Variants in KANK1 observed in about 807,000 individuals in gnomAD.
KANK1 encodes the protein KN motif and ankyrin repeat domain-containing protein 1.
KANK1 carries 109 observed loss-of-function variants against 106.2 expected under a neutral mutation model. That is an observed-to-expected ratio of 1.03 (90% CI 0.88 to 1.20). The LOEUF is 1.20. Ranked by LOEUF, KANK1 falls within the 50% of genes most tolerant of loss-of-function variation. The pLI is 0.00. For missense variants in KANK1, 2,399 were observed against 1,710.7 expected (o/e 1.40, Z -7.10); for synonymous variants, 873 against 652.2 (o/e 1.34, Z -5.16).
chr9:622,014 T>C (rs1160300003), intron 1 of KANK1, among the ~76,000 whole-genome samples: 1 of 152,210 alleles, frequency 6.6e-6, no homozygotes, highest in East Asian at 1.9e-4. Context: ...TAAAAATTTT[T>C]CCAGGTTTTC....
intron 1 of KANK1, among the ~76,000 whole-genome samples, chr9:546,996 G>A (rs2060972905): frequency 6.6e-6 from 1 of 152,178 alleles, no homozygotes; most frequent in African/African-American, 2.4e-5. Context: ...AGCATTTTGG[G>A]AACAAATCAG....
At chr9:694,441 G>A (rs762090392) in intron 2 of KANK1, among the ~76,000 whole-genome samples, 23 of 152,216 alleles carry the variant, frequency 1.5e-4, no homozygotes, top group Admixed American at 3.9e-4. Flanking sequence ...GATTTGGGCT[G>A]TATTTCAGCA....
intron 9 of KANK1, among the ~76,000 whole-genome samples, chr9:741,162 C>T (rs1227478652): frequency 6.6e-6 from 1 of 152,198 alleles, no homozygotes; most frequent in Non-Finnish European, 1.5e-5. Flanking sequence ...TTTGCCTTGC[C>T]TTTTGTCCAT....
At chr9:607,353 C>A (rs150164353) in intron 1 of KANK1, among the ~76,000 whole-genome samples, 1 of 151,386 alleles carries the variant, frequency 6.6e-6, no homozygotes, top group Non-Finnish European at 1.5e-5. Context: ...GGTGTGGCGA[C>A]GCACACCTGT....
rs1163760279 is a variant in KANK1, at chr9:566,553, G to C, written c.-84+61799G>C. ...TTGATTTCTTGATAATAGCCATTCT[G>C]ACAGGTGCGAGATGGTATCTCCTTG... On this transcript the variant is annotated intron_variant, in intron 1 of 11. Coordinates refer to ENST00000382297, the MANE Select transcript of KANK1 (RefSeq NM_015158.5). Among the ~76,000 whole-genome samples the C allele has an allele frequency of 2.0e-5, 3 of 152,164 alleles. No individual in the cohort carries two copies. In the East Asian group the frequency reaches 5.8e-4, roughly 29 times the overall value.
At position 515,211 on chromosome 9, in the gene KANK1, G is replaced by A. The variant is rs189713638; in HGVS notation, c.-84+10457G>A. ...ATACAAAAGATTAGCCAGGCGTGGT[G>A]GCGGGAGCCTGTAGTCCCAGCTACT... On this transcript the variant is annotated intron_variant, in intron 1 of 11. Coordinates refer to ENST00000382297, the MANE Select transcript of KANK1 (RefSeq NM_015158.5). 5.8e-3 allele frequency among the ~76,000 whole-genome samples: 876 copies of A among 151,566 alleles called. 9 individuals are homozygous for A. Among genetic ancestry groups the A allele is most frequent in the Non-Finnish European group, 9.2e-3 (629 of 68,010 alleles).
At chr9:742,170 C>A in intron 9 of KANK1, 35 bp from the exon 10 acceptor site, 1 of 1,591,102 alleles carries the variant, frequency 6.3e-7, no homozygotes, top group Non-Finnish European at 8.6e-7. Context: ...CAGCTCAGTA[C>A]GTACTTCTGA....
chr9:737,654 C>T (rs1000217143), intron 7 of KANK1, among the ~76,000 whole-genome samples: 1 of 152,120 alleles, frequency 6.6e-6, no homozygotes, highest in Non-Finnish European at 1.5e-5. Context: ...TTTATTTTCC[C>T]TTTCCGTGGT....
intron 1 of KANK1, among the ~76,000 whole-genome samples, chr9:667,986 C>G (rs1845044366): frequency 6.6e-6 from 1 of 152,166 alleles, no homozygotes; most frequent in South Asian, 2.1e-4. Context: ...CCACCTCAGC[C>G]TCCCAAAGTA....
intron 1 of KANK1, among the ~76,000 whole-genome samples, chr9:510,206 A>G (rs1487585457): frequency 2.0e-5 from 3 of 152,164 alleles, no homozygotes; most frequent in Middle Eastern, 3.2e-3. Context: ...GTTGACCATG[A>G]TAACTTCTTT....
Position 711,355 on chromosome 9 carries a change from C to T in KANK1, c.589C>T (p.Pro197Ser). 2 of 1,614,166 alleles carry T rather than the reference C, an allele frequency of 1.2e-6. No homozygotes were observed. The highest frequency in any genetic ancestry group is 1.7e-6 in the Non-Finnish European group (2 of 1,180,032). ...AGGCATGGGCACCACAAGCTCCCTC[C>T]CTTCTTTTGTGGGTTCTGGAAACCA... is the stretch of plus-strand genomic sequence containing the variant. ...FGGMGTTSSL[P>S]SFVGSGNHNP... The change falls in exon 3 of 12, where the codon CCT becomes TCT. Residue 197 changes from proline to serine, a missense_variant. Pro to Ser is a moderately conservative substitution (Grantham distance 74, BLOSUM62 -1). Transcript: ENST00000382297.
chr9:581,399 C>T (rs888722626), intron 1 of KANK1, among the ~76,000 whole-genome samples: 2 of 152,200 alleles, frequency 1.3e-5, no homozygotes, highest in African/African-American at 4.8e-5. Flanking sequence ...GATACAAGAG[C>T]CTTCTCGTAA....
At chr9:530,226 T>C (rs1186675846) in intron 1 of KANK1, among the ~76,000 whole-genome samples, 1 of 152,228 alleles carries the variant, frequency 6.6e-6, no homozygotes, top group Non-Finnish European at 1.5e-5. Flanking sequence ...TTTTTCCATG[T>C]TGGTGAATTT....
intron 1 of KANK1, among the ~76,000 whole-genome samples, chr9:590,594 G>A (rs1424564433): frequency 6.6e-6 from 1 of 151,770 alleles, no homozygotes; most frequent in Non-Finnish European, 1.5e-5. Flanking sequence ...TTAAAAATAT[G>A]TAACTTTACC....
intron 1 of KANK1, among the ~76,000 whole-genome samples, chr9:675,008 A>G (rs765247742): frequency 9.5e-5 from 11 of 115,280 alleles, no homozygotes; most frequent in Non-Finnish European, 1.7e-4. Context: ...CCTGGCCTAA[A>G]TATTTATTTT....
chr9:558,703 C>T (rs1248699605), intron 1 of KANK1: 2 of 148,582 alleles, frequency 1.3e-5, no homozygotes, highest in African/African-American at 2.5e-5. Context: ...AAAAAAAAAG[C>T]CCTAAAAACT....
intron 2 of KANK1, among the ~76,000 whole-genome samples, chr9:699,572 A>G (rs767859017): frequency 5.9e-5 from 9 of 152,168 alleles, no homozygotes; most frequent in Admixed American, 1.3e-4. Context: ...GGAGAAGCCA[A>G]AAGGAGTTAG....
At chr9:655,976 T>C (rs941061383) in intron 1 of KANK1, among the ~76,000 whole-genome samples, 3 of 152,210 alleles carry the variant, frequency 2.0e-5, no homozygotes, top group African/African-American at 7.2e-5. Context: ...GGCTTCCTCC[T>C]TGCCTCAGAC....
chr9:472,720 A>G (rs1422887839), intron 2 of KANK1, among the ~76,000 whole-genome samples: 1 of 152,202 alleles, frequency 6.6e-6, no homozygotes, highest in East Asian at 1.9e-4. Context: ...GTAAAAGGAA[A>G]TGCAGGTTTC....
Sources: gnomAD v4.1 joint callset for allele counts (sites outside exome capture counted in the v4.1 genomes callset) on GRCh38, gnomAD v4.1.1 for gene constraint, MANE v1.5 for transcripts, NCBI Gene and HGNC (gene_info 2026-07-23, HGNC 2026-07-21) for gene names.